Variants in PTPRE observed in about 807,000 individuals in gnomAD.
PTPRE encodes the protein receptor-type tyrosine-protein phosphatase epsilon.
A neutral mutation model predicts 102.0 loss-of-function variants in PTPRE; 51 were observed. The observed-to-expected ratio is 0.50, with a 90% CI of 0.40 to 0.63. The LOEUF (loss-of-function observed/expected upper bound fraction) is 0.63. Among genes scored for constraint, PTPRE ranks in the 30% least tolerant of loss-of-function variants. PTPRE has a pLI of 0.00. For missense variants in PTPRE, 752 were observed against 915.1 expected (o/e 0.82, Z 2.30); for synonymous variants, 345 against 348.2 (o/e 0.99, Z 0.10).
intron 2 of PTPRE, among the ~76,000 whole-genome samples, chr10:128,020,798 G>A (rs766981621): frequency 1.7e-4 from 26 of 152,288 alleles, no homozygotes; most frequent in East Asian, 7.7e-4. Context: ...GGTTTCCAGC[G>A]TGGGGCCCCA....
intron 15 of PTPRE, chr10:128,071,589 G>A (rs1218832034): frequency 1.3e-5 from 2 of 155,416 alleles, no homozygotes; most frequent in African/African-American, 4.8e-5. Flanking sequence ...ACAGGGATCC[G>A]AGGAACTAGG....
At chr10:127,959,509 A>G (rs1193363064) in intron 1 of PTPRE, among the ~76,000 whole-genome samples, 10 of 152,210 alleles carry the variant, frequency 6.6e-5, no homozygotes, top group Admixed American at 6.5e-4. Context: ...ACTCAGACTC[A>G]TTAATTTATG....
chr10:127,970,114 A>G (rs1354853222), intron 1 of PTPRE, among the ~76,000 whole-genome samples: 5 of 152,206 alleles, frequency 3.3e-5, no homozygotes, highest in African/African-American at 1.2e-4. Context: ...CCAGTAACCA[A>G]GGGCTTTTCC....
intron 2 of PTPRE, among the ~76,000 whole-genome samples, chr10:127,985,995 G>A (rs1301234966): frequency 2.6e-5 from 4 of 152,076 alleles, no homozygotes; most frequent in African/African-American, 7.2e-5. Flanking sequence ...AGAGGCTGAG[G>A]CATGAGAATT....
chr10:127,931,716 C>T (rs1847455267), intron 1 of PTPRE, among the ~76,000 whole-genome samples: 1 of 152,200 alleles, frequency 6.6e-6, no homozygotes, highest in African/African-American at 2.4e-5. Flanking sequence ...AAAATGACCC[C>T]ACTCCACCTT....
At chr10:127,991,210 C>G (rs920474792) in intron 2 of PTPRE, among the ~76,000 whole-genome samples, 2 of 152,190 alleles carry the variant, frequency 1.3e-5, no homozygotes, top group Non-Finnish European at 2.9e-5. Context: ...TGAGCAAGAT[C>G]GAATTCAAAG....
intron 1 of PTPRE, among the ~76,000 whole-genome samples, chr10:127,979,166 C>A (rs913461864): frequency 3.9e-5 from 6 of 152,230 alleles, no homozygotes; most frequent in African/African-American, 1.4e-4. Context: ...ATCTCTCCTT[C>A]CCCTTGCTGG....
At chr10:128,004,595 T>C (rs934713496) in intron 2 of PTPRE, among the ~76,000 whole-genome samples, 5 of 152,252 alleles carry the variant, frequency 3.3e-5, no homozygotes, top group African/African-American at 1.2e-4. Context: ...CATTCCTTTT[T>C]AGGCTGAATC....
intron 2 of PTPRE, among the ~76,000 whole-genome samples, chr10:128,017,814 G>A (rs1435246631): frequency 6.6e-6 from 1 of 152,220 alleles, no homozygotes; most frequent in Admixed American, 6.5e-5. Flanking sequence ...GAGGGGTCAG[G>A]CTGGAGGCTG....
intron 1 of PTPRE, among the ~76,000 whole-genome samples, chr10:127,967,144 A>G (rs1850317502): frequency 6.6e-6 from 1 of 152,210 alleles, no homozygotes; most frequent in Non-Finnish European, 1.5e-5. Flanking sequence ...TGACATGCTC[A>G]GTGTTTCTCA....
rs114748938 is a variant in PTPRE, at chr10:127,976,333, G to A, written c.-30-5941G>A. Among the ~76,000 whole-genome samples, 1,491 of 152,284 alleles carry A rather than the reference G, an allele frequency of 9.8e-3. 25 individuals carry two copies. The highest frequency in any genetic ancestry group is 0.034 in the African/African-American group (1,424 of 41,548). The stretch of plus-strand genomic sequence containing the variant: ...AATAATGGCATAGACAGACGAGGCA[G>A]TATGGAAACCAGCAGACACTCGTAC... On this transcript the variant is annotated intron_variant, in intron 1 of 20. Coordinates refer to ENST00000254667, the MANE Select transcript of PTPRE (RefSeq NM_006504.6).
intron 2 of PTPRE, among the ~76,000 whole-genome samples, chr10:128,009,636 G>A (rs1023755317): frequency 6.6e-6 from 1 of 152,204 alleles, no homozygotes; most frequent in African/African-American, 2.4e-5. Context: ...ACTGGAGCTC[G>A]GGTCGTCCTG....
intron 2 of PTPRE, among the ~76,000 whole-genome samples, chr10:128,023,059 C>T (rs749942911): frequency 4.6e-5 from 7 of 152,316 alleles, no homozygotes; most frequent in South Asian, 2.1e-4. Flanking sequence ...CAGTTACCCA[C>T]GGTCAACTGT....
chr10:128,068,372 A>C, intron 12 of PTPRE, 86 bp downstream of exon 12: 1 of 1,465,120 alleles, frequency 6.8e-7, no homozygotes. Flanking sequence ...CAGGGGACCA[A>C]TATCAGGGTG....
chr10:128,007,751 C>T (rs1289144533), intron 2 of PTPRE, among the ~76,000 whole-genome samples: 1 of 152,206 alleles, frequency 6.6e-6, no homozygotes, highest in Non-Finnish European at 1.5e-5. Flanking sequence ...GGAAGGCAGG[C>T]ACCATGAGAG....
intron 3 of PTPRE, among the ~76,000 whole-genome samples, chr10:128,041,646 CAAAAAAAAAAAAA>C (rs59411622): frequency 1.3e-5 from 1 of 77,366 alleles, no homozygotes; most frequent in Non-Finnish European, 2.3e-5. Flanking sequence ...GACTACGTCT[CAAAAAAAAAAAAA>C]AAAAAAAAAA....
rs1853705194 is a variant in PTPRE, at chr10:128,000,002, TC to T, written c.-8+17710del. Reference sequence around the variant, plus strand: ...TGCACAGCGCAGACGCGGAAAGGGATCCCCAGAATGTTCCTTCTGTTGCTGG... The same window carrying T: ...TGCACAGCGCAGACGCGGAAAGGGATCCCAGAATGTTCCTTCTGTTGCTGG... On this transcript the variant is annotated intron_variant, in intron 2 of 20. Coordinates refer to ENST00000254667, the MANE Select transcript of PTPRE (RefSeq NM_006504.6). The T allele has an allele frequency of 9.2e-6, 9 of 977,082 alleles. No homozygotes were observed. In the Admixed American group the frequency reaches 4.9e-4, roughly 53 times the overall value. 60.5% of individuals were successfully genotyped at this position (977,082 alleles called of 1,614,324 possible).
intron 1 of PTPRE, among the ~76,000 whole-genome samples, chr10:127,968,008 A>AGG (rs1263379765): frequency 4.2e-5 from 5 of 118,860 alleles, no homozygotes; most frequent in African/African-American, 1.0e-4. Flanking sequence ...GTTGCTCTAT[A>AGG]GGTGTGTGTG....
At chr10:128,036,053 G>A (rs1322309203) in intron 2 of PTPRE, among the ~76,000 whole-genome samples, 1 of 152,100 alleles carries the variant, frequency 6.6e-6, no homozygotes, top group East Asian at 1.9e-4. Context: ...GAGAGAGAGG[G>A]GACCACTCCA....
Sources: allele counts gnomAD v4.1 joint callset (sites outside exome capture counted in the v4.1 genomes callset), GRCh38; gene constraint gnomAD v4.1.1; transcripts MANE v1.5; gene names NCBI Gene and HGNC (gene_info 2026-07-23, HGNC 2026-07-21).